Variants in OR8K3 observed in about 807,000 individuals in gnomAD.
The protein encoded by OR8K3 is olfactory receptor 8K3.
For missense variants in OR8K3, 448 were observed against 367.4 expected, an observed-to-expected ratio of 1.22 and a Z score of -1.79; for synonymous variants, 167 against 138.8, an observed-to-expected ratio of 1.20 and a Z score of -1.43.
chr11:56,316,518 G>T (rs180976482), intron 2 of OR8K3, among the ~76,000 whole-genome samples: 1 of 151,638 alleles, frequency 6.6e-6, no homozygotes, highest in Admixed American at 6.6e-5. Context: ...GTTATTGGGG[G>T]ATATTTAGAT....
rs374603069 is a variant in OR8K3, at chr11:56,319,088, C to A, written c.782C>A (p.Pro261His). 1 of 1,613,946 alleles carries A rather than the reference C, an allele frequency of 6.2e-7. No individual in the cohort carries two copies. Among genetic ancestry groups the A allele is most frequent in the African/African-American group, 1.3e-5 (1 of 74,906 alleles). ...ACTTTGCTTTTCATGTACGTGCAGC[C>A]CAAGTCCAGTCATTCCTTTGACACT... is the stretch of plus-strand genomic sequence containing the variant. ...YGTLLFMYVQ[P>H]KSSHSFDTDK... The change falls in exon 3 of 3, where the codon CCC becomes CAC. Residue 261 changes from proline (P) to histidine (H), a missense_variant. Pro to His is a moderately conservative substitution (Grantham distance 77). Coordinates refer to ENST00000641662, the MANE Select transcript of OR8K3 (RefSeq NM_001005202.2).
intron 2 of OR8K3, among the ~76,000 whole-genome samples, chr11:56,317,284 C>G (rs1337920512): frequency 5.3e-5 from 8 of 152,126 alleles, no homozygotes; most frequent in Admixed American, 5.2e-4. Context: ...CATTGAATCA[C>G]TTAATCTTCA....
Position 56,318,862 on chromosome 11 carries a change from C to T in OR8K3, c.556C>T (p.Pro186Ser), listed in dbSNP as rs768658746. Reference sequence around the variant, plus strand: ...CTACTGTGACAGTCTCCCTTTGTTACCTTTGCTTTGTTCAAATACACATGA... The same window carrying T: ...CTACTGTGACAGTCTCCCTTTGTTATCTTTGCTTTGTTCAAATACACATGA... ...HFYCDSLPLLPLLCSNTHEIE... is the reference protein window; with the variant it reads ...HFYCDSLPLLSLLCSNTHEIE... The change falls in exon 3 of 3, where the codon CCT becomes TCT. Residue 186 changes from proline to serine, a missense_variant. By Grantham distance (74) the Pro-to-Ser change is moderately conservative (BLOSUM62 -1). Transcript: ENST00000641662. 1.2e-6 allele frequency: 2 copies of T among 1,614,012 alleles called. No individual in the cohort carries two copies. The highest frequency in any genetic ancestry group is 1.7e-6 in the Non-Finnish European group (2 of 1,179,922).
In OR8K3 at chr11:56,320,008, C is replaced by T. The variant is rs1854504105; in HGVS notation, c.*763C>T. 1 of 152,086 alleles carries T rather than the reference C, an allele frequency of 6.6e-6. No individual in the cohort carries two copies. Among genetic ancestry groups the T allele is most frequent in the Non-Finnish European group, 1.5e-5 (1 of 68,008 alleles). The allele number at this position is 152,086 out of a possible 1,614,324, so 9.4% of individuals were successfully genotyped here. A position where few individuals can be genotyped will look rare whatever the true frequency, so the allele number is the denominator to read the frequency against. ...AGAAATTCTCAGGTTTATTCTTTCT[C>T]TCTAGTTGTTCTTGCTTAATAACTG... On this transcript the variant is annotated 3_prime_UTR_variant, in exon 3 of 3. Coordinates refer to ENST00000641662, the MANE Select transcript of OR8K3 (RefSeq NM_001005202.2).
At position 56,320,471 on chromosome 11, in the gene OR8K3, C is replaced by A. The variant is rs777307900; in HGVS notation, c.*1226C>A. ...CTTATGTATTTTGATTTCCTTTATT[C>A]TTTTTAATAATCCTAAGAATTTATT... On this transcript the variant is annotated 3_prime_UTR_variant, in exon 3 of 3. Transcript: ENST00000641662. 6.6e-5 allele frequency: 10 copies of A among 152,056 alleles called. No homozygotes were observed. The highest frequency in any genetic ancestry group is 1.3e-4 in the Non-Finnish European group (9 of 67,992). The allele number at this position is 152,056 out of a possible 1,614,324, so 9.4% of individuals were successfully genotyped here.
chr11:56,319,052 T>G lies in OR8K3; in HGVS notation c.746T>G (p.Val249Gly), dbSNP rs777921911. Reference sequence around the variant, plus strand: ...GGAGCCCACCTGACAGTGGTCATAGTGTTCTATGGGACTTTGCTTTTCATG... The same window carrying G: ...GGAGCCCACCTGACAGTGGTCATAGGGTTCTATGGGACTTTGCTTTTCATG... ...TCGAHLTVVI[V>G]FYGTLLFMYV... Residue 249 changes from valine to glycine, a missense_variant, in exon 3 of 3, where the codon GTG becomes GGG. Coordinates refer to ENST00000641662, the MANE Select transcript of OR8K3 (RefSeq NM_001005202.2). The G allele has an allele frequency of 6.2e-7, 1 of 1,614,104 alleles. No individual in the cohort carries two copies. The highest frequency in any genetic ancestry group is 8.5e-7 in the Non-Finnish European group (1 of 1,180,008).
rs1484778859 is a variant in OR8K3, at chr11:56,320,407, C to T, written c.*1162C>T. ...GTATGCAATGATATCGTTATCTTGC[C>T]TTTTAAACATGGTTGCTTTCCTTAA... On this transcript the variant is annotated 3_prime_UTR_variant, in exon 3 of 3. Transcript: ENST00000641662. 1 of 152,096 alleles carries T rather than the reference C, an allele frequency of 6.6e-6. No individual in the cohort carries two copies. Among genetic ancestry groups the T allele is most frequent in the African/African-American group, 2.4e-5 (1 of 41,432 alleles). 9.4% of individuals were successfully genotyped at this position (152,096 alleles called of 1,614,324 possible).
rs200916893 is a variant in OR8K3, at chr11:56,318,879, T to A, written c.573T>A (p.Asn191Lys). The A allele has an allele frequency of 6.2e-7, 1 of 1,614,008 alleles. No individual in the cohort carries two copies. Among genetic ancestry groups the A allele is most frequent in the Non-Finnish European group, 8.5e-7 (1 of 1,179,854 alleles). The change falls in exon 3 of 3, where the codon AAT becomes AAA. Residue 191 changes from asparagine (N) to lysine (K), a missense_variant. By Grantham distance (94) the Asn-to-Lys change is moderately conservative. Coordinates refer to ENST00000641662, the MANE Select transcript of OR8K3 (RefSeq NM_001005202.2). ...CTTTGTTACCTTTGCTTTGTTCAAA[T>A]ACACATGAAATTGAATTGATAATTC... is the stretch of plus-strand genomic sequence containing the variant. ...SLPLLPLLCSNTHEIELIILI... is the reference protein window; with the variant it reads ...SLPLLPLLCSKTHEIELIILI...
rs759064589 is a variant in OR8K3, at chr11:56,318,520, G to A, written c.214G>A (p.Gly72Ser). The change falls in exon 3 of 3, where the codon GGT (glycine) becomes AGT (serine). Residue 72 changes from glycine (G) to serine (S), a missense_variant. By Grantham distance (56) the Gly-to-Ser change is moderately conservative. Coordinates refer to ENST00000641662, the MANE Select transcript of OR8K3 (RefSeq NM_001005202.2). ...CAGACATCTGGCTTTCATGGATCTT[G>A]GTTATTCAACAACTGTGGGACCCAA... Reference protein sequence around the residue: ...FLRHLAFMDLGYSTTVGPKML... With the variant: ...FLRHLAFMDLSYSTTVGPKML... 10 of 1,613,782 alleles carry A rather than the reference G, an allele frequency of 6.2e-6. No homozygotes were observed. In the African/African-American group the frequency reaches 1.2e-4, roughly 19 times the overall value.
intron 2 of OR8K3, among the ~76,000 whole-genome samples, chr11:56,317,849 A>C (rs1214619406): frequency 1.3e-5 from 2 of 151,874 alleles, no homozygotes; most frequent in African/African-American, 4.8e-5. Context: ...TCCATAATCT[A>C]TCTATCTACC....
At chr11:56,317,446 CTGA>C (rs1292862289) in intron 2 of OR8K3, among the ~76,000 whole-genome samples, 2 of 151,876 alleles carry the variant, frequency 1.3e-5, no homozygotes, top group Non-Finnish European at 2.9e-5. Context: ...CATATATTTC[CTGA>C]TATTTTTTGC....
Position 56,318,924 on chromosome 11 carries a change from T to G in OR8K3, c.618T>G (p.Asp206Glu), listed in dbSNP as rs1335718801. 1 of 1,614,010 alleles carries G rather than the reference T, an allele frequency of 6.2e-7. No homozygotes were observed. Among genetic ancestry groups the G allele is most frequent in the Non-Finnish European group, 8.5e-7 (1 of 1,179,974 alleles). Residue 206 changes from aspartate to glutamate, a missense_variant, in exon 3 of 3, where the codon GAT (aspartate) becomes GAG (glutamate). Physicochemically the swap from Asp to Glu is conservative, Grantham distance 45. Coordinates refer to ENST00000641662, the MANE Select transcript of OR8K3 (RefSeq NM_001005202.2). Reference sequence around the variant, plus strand: ...TAATTCTGATCTTTGCAGCTATTGATTTGATTTCATCTCTTCTGATAGTTC... The same window carrying G: ...TAATTCTGATCTTTGCAGCTATTGAGTTGATTTCATCTCTTCTGATAGTTC... ...ELIILIFAAI[D>E]LISSLLIVLL...
chr11:56,319,185 C>A lies in OR8K3; in HGVS notation c.879C>A (p.Asn293Lys). ...ATCCCTTGATCTATAGTTTACGAAA[C>A]AAAGATGTAAAATATGCCCTACGAA... ...MLNPLIYSLR[N>K]KDVKYALRRT... The change falls in exon 3 of 3, where the codon AAC becomes AAA. Residue 293 changes from asparagine to lysine, a missense_variant. Physicochemically the swap from Asn to Lys is moderately conservative, Grantham distance 94. Coordinates refer to ENST00000641662, the MANE Select transcript of OR8K3 (RefSeq NM_001005202.2). 2 of 1,612,880 alleles carry A rather than the reference C, an allele frequency of 1.2e-6. No individual in the cohort carries two copies. Among genetic ancestry groups the A allele is most frequent in the Non-Finnish European group, 8.5e-7 (1 of 1,178,964 alleles).
intron 2 of OR8K3, among the ~76,000 whole-genome samples, chr11:56,317,458 G>T (rs1209424753): frequency 1.3e-5 from 2 of 151,784 alleles, no homozygotes; most frequent in African/African-American, 4.8e-5. Flanking sequence ...GATATTTTTT[G>T]CTTTGTAAAT....
In OR8K3 at chr11:56,319,518, C is replaced by A; in HGVS notation, c.*273C>A. The A allele has an allele frequency of 3.1e-6, 1 of 326,590 alleles. No individual in the cohort carries two copies. 20.2% of individuals were successfully genotyped at this position (326,590 alleles called of 1,614,324 possible). On this transcript the variant is annotated 3_prime_UTR_variant, in exon 3 of 3. Coordinates refer to ENST00000641662, the MANE Select transcript of OR8K3 (RefSeq NM_001005202.2). ...GATATAGACAAAGAAAAAAGGGAGA[C>A]AAGGAAAGCTAGTATGCTGGGTGGC...
rs1301260562 is a variant in OR8K3 at position 56,319,380 on chromosome 11, T to C, written c.*135T>C. On this transcript the variant is annotated 3_prime_UTR_variant, in exon 3 of 3. Coordinates refer to ENST00000641662, the MANE Select transcript of OR8K3 (RefSeq NM_001005202.2). ...TCTCATACATGATAGGCTCTTCTAA[T>C]TGCTATACATAGATTAATAAACAAA... The C allele has an allele frequency of 5.0e-6, 3 of 599,192 alleles. No individual in the cohort carries two copies. The highest frequency in any genetic ancestry group is 5.9e-6 in the Non-Finnish European group (2 of 338,884). 37.1% of individuals were successfully genotyped at this position (599,192 alleles called of 1,614,324 possible). A position where few individuals can be genotyped will look rare whatever the true frequency, so the allele number is the denominator to read the frequency against.
chr11:56,318,040 T>C (rs1041637514), intron 2 of OR8K3, among the ~76,000 whole-genome samples: 6 of 152,192 alleles, frequency 3.9e-5, no homozygotes, highest in African/African-American at 1.4e-4. Context: ...CAAATTGTGA[T>C]AAATAAAATG....
At chr11:56,317,765 T>C (rs1228718177) in intron 2 of OR8K3, among the ~76,000 whole-genome samples, 1 of 152,104 alleles carries the variant, frequency 6.6e-6, no homozygotes, top group Non-Finnish European at 1.5e-5. Flanking sequence ...ACTTTAAAAT[T>C]TTTCTTTATA....
intron 2 of OR8K3, among the ~76,000 whole-genome samples, chr11:56,316,782 G>A (rs1854448837): frequency 1.3e-5 from 2 of 151,736 alleles, no homozygotes; most frequent in Non-Finnish European, 2.9e-5. Flanking sequence ...CCAATATGAA[G>A]GACCACATTT....
Sources: allele counts gnomAD v4.1 joint callset (sites outside exome capture counted in the v4.1 genomes callset), GRCh38; gene constraint gnomAD v4.1.1; transcripts MANE v1.5; gene names NCBI Gene and HGNC (gene_info 2026-07-23, HGNC 2026-07-21).